GRIA1: variants seen among roughly 807,000 people sequenced by gnomAD.
GRIA1 encodes glutamate ionotropic receptor AMPA type subunit 1, also known as glutamate receptor 1.
A neutral mutation model predicts 99.2 loss-of-function variants in GRIA1; 31 were observed. The observed-to-expected ratio is 0.31, with a 90% CI of 0.23 to 0.42. The LOEUF (loss-of-function observed/expected upper bound fraction) is 0.42, where lower values mean the gene tolerates loss of function less well. GRIA1 is among the 10% of genes least tolerant of loss of function. The pLI, the probability that GRIA1 is intolerant of heterozygous loss-of-function variation, is 1.00. For missense variants in GRIA1, 782 were observed against 1,157.5 expected, an observed-to-expected ratio of 0.68 and a Z score of 4.71; for synonymous variants, 438 against 432.4, an observed-to-expected ratio of 1.01 and a Z score of -0.16.
intron 2 of GRIA1, among the ~76,000 whole-genome samples, chr5:153,608,492 G>A (rs1765651086): frequency 6.6e-6 from 1 of 151,954 alleles, no homozygotes; most frequent in Non-Finnish European, 1.5e-5. Flanking sequence ...CTTGATGTTT[G>A]CTAATTCTCT....
intron 2 of GRIA1, among the ~76,000 whole-genome samples, chr5:153,550,116 G>A (rs1759996938): frequency 6.6e-6 from 1 of 151,974 alleles, no homozygotes; most frequent in African/African-American, 2.4e-5. Context: ...CTGTGACATG[G>A]TTGGTGTTTA....
intron 13 of GRIA1, among the ~76,000 whole-genome samples, chr5:153,791,270 A>G (rs1399761621): frequency 6.9e-6 from 1 of 145,170 alleles, no homozygotes; most frequent in Non-Finnish European, 1.5e-5. Context: ...CCTCATATCT[A>G]CCAAAAAAAA....
intron 10 of GRIA1, 64 bp from the exon 11 acceptor site, chr5:153,705,633 G>C: frequency 1.4e-6 from 2 of 1,384,912 alleles, no homozygotes; most frequent in South Asian, 3.2e-5. Context: ...AAAAACAAGA[G>C]AATGAAAAGG....
At chr5:153,712,038 C>T (rs1158561762) in intron 11 of GRIA1, among the ~76,000 whole-genome samples, 1 of 152,018 alleles carries the variant, frequency 6.6e-6, no homozygotes, top group Non-Finnish European at 1.5e-5. Flanking sequence ...CCTCCTCCCT[C>T]CACTAATTTA....
intron 2 of GRIA1, among the ~76,000 whole-genome samples, chr5:153,639,981 G>A (rs1035035039): frequency 1.3e-5 from 2 of 152,176 alleles, no homozygotes; most frequent in Non-Finnish European, 2.9e-5. Context: ...AGAGGAGAAG[G>A]GGCTTGTTCA....
intron 2 of GRIA1, among the ~76,000 whole-genome samples, chr5:153,570,117 T>A (rs1581245641): frequency 2.0e-5 from 3 of 152,234 alleles, no homozygotes; most frequent in Non-Finnish European, 2.9e-5. Flanking sequence ...CACTGATTCA[T>A]GAAAAGGCAA....
chr5:153,738,170 A>G (rs1260746018), intron 11 of GRIA1, among the ~76,000 whole-genome samples: 2 of 152,174 alleles, frequency 1.3e-5, no homozygotes, highest in African/African-American at 4.8e-5. Context: ...TGGGAAGTGC[A>G]AGGTTGTGGA....
intron 13 of GRIA1, among the ~76,000 whole-genome samples, chr5:153,776,951 G>C (rs1343033435): frequency 6.6e-6 from 1 of 152,166 alleles, no homozygotes; most frequent in Non-Finnish European, 1.5e-5. Context: ...GAAGGCCATA[G>C]AGAGTTCTCT....
At chr5:153,807,736 T>C (rs1277103813) in intron 15 of GRIA1, among the ~76,000 whole-genome samples, 3 of 152,186 alleles carry the variant, frequency 2.0e-5, no homozygotes, top group Admixed American at 1.3e-4. Context: ...CATTGCAAAT[T>C]GAATAAAATC....
At chr5:153,537,022 C>A (rs1401101831) in intron 2 of GRIA1, among the ~76,000 whole-genome samples, 2 of 152,100 alleles carry the variant, frequency 1.3e-5, no homozygotes, top group African/African-American at 4.8e-5. Flanking sequence ...TTAATGCTAC[C>A]CATTTTGTAG....
intron 2 of GRIA1, among the ~76,000 whole-genome samples, chr5:153,508,640 A>T (rs1755765749): frequency 6.6e-6 from 1 of 152,192 alleles, no homozygotes; most frequent in Middle Eastern, 3.2e-3. Context: ...GAGTGTAGTG[A>T]TCTGATTTAA....
intron 13 of GRIA1, among the ~76,000 whole-genome samples, chr5:153,778,196 T>A (rs139573182): frequency 0.28 from 11,495 of 41,190 alleles, 594 homozygotes; most frequent in Non-Finnish European, 0.33. Flanking sequence ...AGAGAGAGTG[T>A]GTGTGTGTGT....
At chr5:153,794,592 C>A in intron 13 of GRIA1, 29 bp from the exon 14 acceptor site, 2 of 1,397,372 alleles carry the variant, frequency 1.4e-6, no homozygotes, top group Non-Finnish European at 2.0e-6. Flanking sequence ...ACCTGTTACT[C>A]ATCGAGTGTT....
At chr5:153,728,163 G>C (rs1361369553) in intron 11 of GRIA1, among the ~76,000 whole-genome samples, 2 of 152,086 alleles carry the variant, frequency 1.3e-5, no homozygotes, top group East Asian at 1.9e-4. Context: ...ATGGTGCTGG[G>C]AAAAGTGGCT....
intron 2 of GRIA1, among the ~76,000 whole-genome samples, chr5:153,574,131 T>A (rs1394590167): frequency 1.3e-5 from 2 of 152,164 alleles, no homozygotes; most frequent in Non-Finnish European, 2.9e-5. Context: ...CACTGTTATT[T>A]TGGTAGTTTA....
At chr5:153,540,071 T>C (rs967797139) in intron 2 of GRIA1, among the ~76,000 whole-genome samples, 7 of 152,224 alleles carry the variant, frequency 4.6e-5, no homozygotes, top group Non-Finnish European at 7.3e-5. Flanking sequence ...AAGGTAGAGA[T>C]GGCCAAATGA....
intron 2 of GRIA1, among the ~76,000 whole-genome samples, chr5:153,614,688 C>G (rs1766314422): frequency 6.6e-6 from 1 of 152,188 alleles, no homozygotes; most frequent in South Asian, 2.1e-4. Context: ...AGTAGCAAAA[C>G]TGAAAACCTA....
At chr5:153,657,446 C>T (rs968274751) in intron 5 of GRIA1, among the ~76,000 whole-genome samples, 3 of 152,320 alleles carry the variant, frequency 2.0e-5, no homozygotes, top group Non-Finnish European at 4.4e-5. Context: ...TTATCTATAA[C>T]AAATTTTCAG....
chr5:153,596,346 C>G (rs976720794), intron 2 of GRIA1, among the ~76,000 whole-genome samples: 2 of 152,218 alleles, frequency 1.3e-5, no homozygotes, highest in African/African-American at 4.8e-5. Context: ...GTTTTCGGCT[C>G]TGTCCACATG....
Sources: gnomAD v4.1 joint callset for allele counts (sites outside exome capture counted in the v4.1 genomes callset) on GRCh38, gnomAD v4.1.1 for gene constraint, MANE v1.5 for transcripts, NCBI Gene and HGNC (gene_info 2026-07-23, HGNC 2026-07-21) for gene names.